Variants in RAPGEF2 observed in about 807,000 individuals in gnomAD.
The protein encoded by RAPGEF2 is PDZ domain containing guanine nucleotide exchange factor (GEF) 1.
A neutral mutation model predicts 186.7 loss-of-function variants in RAPGEF2; 54 were observed. The ratio of observed to expected loss-of-function variants is 0.29; its 90% CI spans 0.23 to 0.36. The LOEUF (loss-of-function observed/expected upper bound fraction) is 0.36. Among genes scored for constraint, RAPGEF2 ranks in the 10% least tolerant of loss-of-function variants. The pLI is 1.00. For missense variants in RAPGEF2, 1,532 were observed against 2,045.0 expected, an observed-to-expected ratio of 0.75 and a Z score of 4.84; for synonymous variants, 712 against 705.9, an observed-to-expected ratio of 1.01 and a Z score of -0.14.
At chr4:159,115,039 ATC>A (rs1332081177) in intron 1 of RAPGEF2, among the ~76,000 whole-genome samples, 2 of 152,188 alleles carry the variant, frequency 1.3e-5, no homozygotes, top group Non-Finnish European at 2.9e-5. Context: ...AAGGCAAACA[ATC>A]TCTACACATT....
At chr4:159,217,684 G>A (rs1039611645) in intron 4 of RAPGEF2, among the ~76,000 whole-genome samples, 1 of 152,190 alleles carries the variant, frequency 6.6e-6, no homozygotes, top group Non-Finnish European at 1.5e-5. Context: ...GTAATGGGAT[G>A]GCTGGGTCAA....
At chr4:159,254,300 G>C (rs916697933) in intron 7 of RAPGEF2, among the ~76,000 whole-genome samples, 1 of 152,028 alleles carries the variant, frequency 6.6e-6, no homozygotes, top group Admixed American at 6.5e-5. Context: ...ACCCATTTTT[G>C]CTTTTGCACT....
intron 1 of RAPGEF2, among the ~76,000 whole-genome samples, chr4:159,182,767 AT>A (rs1301549009): frequency 6.6e-6 from 1 of 152,138 alleles, no homozygotes; most frequent in East Asian, 1.9e-4. Flanking sequence ...CTGTGTCCTT[AT>A]ATAAGATTTA....
chr4:159,344,810 T>G (rs904202291), intron 23 of RAPGEF2, among the ~76,000 whole-genome samples: 1 of 152,248 alleles, frequency 6.6e-6, no homozygotes. Context: ...CATGTAATTA[T>G]TGTTTTCTGG....
intron 1 of RAPGEF2, among the ~76,000 whole-genome samples, chr4:159,112,962 C>T (rs1274959721): frequency 1.3e-5 from 2 of 152,132 alleles, no homozygotes; most frequent in African/African-American, 4.8e-5. Context: ...CATGTGTCTG[C>T]TGATATAATG....
chr4:159,278,475 C>G (rs1579731541), intron 7 of RAPGEF2, among the ~76,000 whole-genome samples: 1 of 152,132 alleles, frequency 6.6e-6, no homozygotes, highest in Admixed American at 6.5e-5. Context: ...CACAGGAGCT[C>G]TCGAAATTTA....
intron 7 of RAPGEF2, among the ~76,000 whole-genome samples, chr4:159,255,004 T>G (rs528143694): frequency 1.3e-5 from 2 of 152,358 alleles, no homozygotes; most frequent in African/African-American, 4.8e-5. Flanking sequence ...GTATTTTTAC[T>G]GTAGCTTTTC....
chr4:159,342,657 C>T (rs909492810), intron 20 of RAPGEF2, among the ~76,000 whole-genome samples: 4 of 142,908 alleles, frequency 2.8e-5, no homozygotes, highest in East Asian at 2.1e-4. Context: ...ATCAAATGGC[C>T]GCTATGGGCT....
chr4:159,196,785 T>C (rs924862043), intron 3 of RAPGEF2, among the ~76,000 whole-genome samples: 2 of 152,254 alleles, frequency 1.3e-5, no homozygotes, highest in African/African-American at 4.8e-5. Context: ...GAAGGAATTA[T>C]GATAGTGATG....
Position 159,358,302 on chromosome 4 carries a change from T to TC in RAPGEF2, c.*167dup, listed in dbSNP as rs1732340028. The TC allele has an allele frequency of 9.5e-6, 6 of 632,006 alleles. No individual in the cohort carries two copies. The East Asian group carries it at 1.4e-4, about 15-fold the overall frequency. 39.1% of individuals were successfully genotyped at this position (632,006 alleles called of 1,614,324 possible). ...GGGGCTTCTTCTCCCCTTCTTCCTT[T>TC]CCCCTTTGCATGTGAAATACTGTGA... On this transcript the variant is annotated 3_prime_UTR_variant, in exon 30 of 30. Transcript: ENST00000691494.
At chr4:159,219,495 A>G (rs72965976) in intron 4 of RAPGEF2, among the ~76,000 whole-genome samples, 30,171 of 151,184 alleles carry the variant, frequency 0.2, 3,358 homozygotes, top group Non-Finnish European at 0.25. Flanking sequence ...AGCTGGGACT[A>G]CAGGCACCCG....
Position 159,352,630 on chromosome 4 carries a change from C to CT in RAPGEF2, c.3866-52dup, listed in dbSNP as rs1580068285. On this transcript the variant is annotated intron_variant, in intron 26 of 29. Transcript: ENST00000691494. ...TTTTGCTTCTATTTGGTAGACTTCC[C>CT]TTTGATGTTATAAACCTAGAGAGTC... 4.2e-6 allele frequency: 6 copies of CT among 1,416,646 alleles called. No homozygotes were observed. In the East Asian group the frequency reaches 1.4e-4, roughly 33 times the overall value. 87.8% of individuals were successfully genotyped at this position (1,416,646 alleles called of 1,614,324 possible).
chr4:159,120,258 G>C (rs1234347855), intron 1 of RAPGEF2, among the ~76,000 whole-genome samples: 2 of 152,184 alleles, frequency 1.3e-5, no homozygotes, highest in Admixed American at 6.5e-5. Flanking sequence ...GGCCTCACGT[G>C]ATCTACATGC....
intron 4 of RAPGEF2, among the ~76,000 whole-genome samples, chr4:159,232,343 G>A (rs1752740550): frequency 6.6e-6 from 1 of 152,058 alleles, no homozygotes; most frequent in South Asian, 2.1e-4. Context: ...CTATGAATTT[G>A]CCTATTCTAG....
chr4:159,186,457 A>G (rs1747566243), intron 1 of RAPGEF2, among the ~76,000 whole-genome samples, 185 bp from the exon 2 acceptor site: 1 of 152,088 alleles, frequency 6.6e-6, no homozygotes, highest in Non-Finnish European at 1.5e-5. Flanking sequence ...TCCCAGAAGC[A>G]GTTGTAATGG....
chr4:159,190,824 C>T (rs1240266616), intron 2 of RAPGEF2, among the ~76,000 whole-genome samples: 1 of 152,092 alleles, frequency 6.6e-6, no homozygotes, highest in African/African-American at 2.4e-5. Context: ...CCACTGATCC[C>T]TCTCATGACA....
rs34827512 is a variant in RAPGEF2 at position 159,195,875 on chromosome 4, GTTTT to G, written c.197+2645_197+2648del. On this transcript the variant is annotated intron_variant, in intron 3 of 29. Coordinates refer to ENST00000691494, the MANE Select transcript of RAPGEF2 (RefSeq NM_001394067.2). ...GATTACAGTGTCTTCAAACATACCT[GTTTT>G]TTTTTTTTTTTTTTTTTTTTTTTTT... is the stretch of plus-strand genomic sequence containing the variant. Among the ~76,000 whole-genome samples, 148 of 94,222 alleles carry G rather than the reference GTTTT, an allele frequency of 1.6e-3. 2 individuals carry two copies. Among genetic ancestry groups the G allele is most frequent in the African/African-American group, 4.5e-3 (114 of 25,400 alleles). The allele number at this position is 94,222 out of a possible 152,430, so 61.8% of individuals were successfully genotyped here. A position where few individuals can be genotyped will look rare whatever the true frequency, so the allele number is the denominator to read the frequency against.
Position 159,330,375 on chromosome 4 carries a change from T to C in RAPGEF2, c.1344T>C (p.His448=). Residue 448 remains histidine, a synonymous_variant, in exon 13 of 30, where the codon CAT becomes CAC. Transcript: ENST00000691494. ...TAACAATGCATTTGGTGGAAGAGCATTCAGTAGTAGATCCAACATTCATAG... is the reference window on the plus strand; with the variant it reads ...TAACAATGCATTTGGTGGAAGAGCACTCAGTAGTAGATCCAACATTCATAG... ...ERLTMHLVEE[H]SVVDPTFIED... is the part of the protein sequence containing the mutation. The C allele has an allele frequency of 4.4e-6, 7 of 1,598,040 alleles. No individual in the cohort carries two copies. The highest frequency in any genetic ancestry group is 6.0e-6 in the Non-Finnish European group (7 of 1,176,036).
At chr4:159,290,417 A>G (rs1010732251) in intron 7 of RAPGEF2, among the ~76,000 whole-genome samples, 3 of 152,336 alleles carry the variant, frequency 2.0e-5, no homozygotes, top group East Asian at 3.9e-4. Flanking sequence ...AATGAAAGCT[A>G]CTCTGTTTCC....
Sources: allele counts gnomAD v4.1 joint callset (sites outside exome capture counted in the v4.1 genomes callset), GRCh38; gene constraint gnomAD v4.1.1; transcripts MANE v1.5; gene names NCBI Gene and HGNC (gene_info 2026-07-23, HGNC 2026-07-21).